PHC3: variants seen among roughly 807,000 people sequenced by gnomAD.
PHC3 encodes polyhomeotic homolog 3.
In PHC3, 13 loss-of-function variants were observed where a neutral mutation model predicts 107.4. The ratio of observed to expected loss-of-function variants is 0.12; its 90% CI spans 0.08 to 0.19. The LOEUF is 0.19. Ranked by LOEUF, PHC3 falls within the 10% of genes least tolerant of loss-of-function variation. The pLI is 1.00. For synonymous variants in PHC3, 456 were observed against 427.4 expected, an observed-to-expected ratio of 1.07 and a Z score of -0.83; for missense variants, 992 against 1,210.9, an observed-to-expected ratio of 0.82 and a Z score of 2.68.
intron 8 of PHC3, chr3:170,126,000 T>C: frequency 5.1e-6 from 5 of 977,322 alleles, no homozygotes; most frequent in Non-Finnish European, 6.1e-6. Context: ...TTCCCTTTCC[T>C]AAATAAACTG....
At chr3:170,114,831 T>G (rs1199181729) in intron 10 of PHC3, among the ~76,000 whole-genome samples, 1 of 152,236 alleles carries the variant, frequency 6.6e-6, no homozygotes, top group African/African-American at 2.4e-5. Context: ...AACAGCTTAT[T>G]GGACAGAAAC....
intron 6 of PHC3, among the ~76,000 whole-genome samples, chr3:170,138,122 G>A (rs1034577738): frequency 2.6e-5 from 4 of 152,162 alleles, no homozygotes; most frequent in Admixed American, 6.5e-5. Context: ...GAGCCTGGGA[G>A]GCGGAGGCTG....
At chr3:170,157,087 T>C (rs1423422343) in intron 4 of PHC3, among the ~76,000 whole-genome samples, 2 of 152,160 alleles carry the variant, frequency 1.3e-5, no homozygotes, top group Non-Finnish European at 2.9e-5. Flanking sequence ...AATTATCATA[T>C]TGGAAATAAT....
At chr3:170,143,805 A>T (rs905141550) in intron 6 of PHC3, among the ~76,000 whole-genome samples, 17 of 152,100 alleles carry the variant, frequency 1.1e-4, no homozygotes, top group Admixed American at 1.1e-3. Context: ...ACATCACCTT[A>T]ATCATGGAAG....
At chr3:170,136,337 C>G (rs1172771968) in intron 7 of PHC3, 82 bp downstream of exon 7, 2 of 1,535,862 alleles carry the variant, frequency 1.3e-6, no homozygotes, top group Admixed American at 3.7e-5. Context: ...CACTCCTGTT[C>G]AAGTCATGAA....
Position 170,097,397 on chromosome 3 carries a change from C to G in PHC3, c.2834-13G>C, listed in dbSNP as rs1336082356. 1.5e-5 allele frequency: 24 copies of G among 1,609,490 alleles called. No individual in the cohort carries two copies. Among genetic ancestry groups the G allele is most frequent in the Non-Finnish European group, 1.7e-5 (20 of 1,177,038 alleles). On this transcript the variant is annotated splice_polypyrimidine_tract_variant and intron_variant, in intron 14 of 14. Coordinates refer to ENST00000495893, the MANE Select transcript of PHC3 (RefSeq NM_024947.4). The surrounding 1 kb of genome is among the most constrained non-coding windows in gnomAD (Gnocchi z 4.1). ...ATATCCTGGCAGCCTGGAATTTGAC[C>G]AGAGGACAGAAGTTAGAATTAAATA...
intron 14 of PHC3, among the ~76,000 whole-genome samples, chr3:170,101,758 T>G (rs1319093643): frequency 6.6e-6 from 1 of 151,942 alleles, no homozygotes; most frequent in Admixed American, 6.6e-5. Context: ...TTGGAGAAGG[T>G]GGATATAAAA....
chr3:170,151,757 G>A (rs1726023793), intron 4 of PHC3, among the ~76,000 whole-genome samples: 1 of 152,122 alleles, frequency 6.6e-6, no homozygotes, highest in East Asian at 1.9e-4. Context: ...CAGGGAAGGA[G>A]GTACCTATGA....
chr3:170,111,317 G>GGAACGAAC (rs1252000410), intron 11 of PHC3, among the ~76,000 whole-genome samples: 60 of 107,512 alleles, frequency 5.6e-4, no homozygotes, highest in African/African-American at 1.4e-3. Context: ...AAGGAAGGAA[G>GGAACGAAC]GAACGAACGA....
At position 170,117,578 on chromosome 3, in the gene PHC3, G is replaced by C. The variant is rs931383043; in HGVS notation, c.1943-102C>G. The C allele has an allele frequency of 5.0e-6, 6 of 1,210,354 alleles. No homozygotes were observed. In the African/African-American group the frequency reaches 9.2e-5, roughly 19 times the overall value. The allele number at this position is 1,210,354 out of a possible 1,614,324, so 75.0% of individuals were successfully genotyped here. A position where few individuals can be genotyped will look rare whatever the true frequency, so the allele number is the denominator to read the frequency against. ...AAATAATAACAACAGTTAATATCTG[G>C]TACTTTCAAAAACTGTTCTAAGAAC... On this transcript the variant is annotated intron_variant, in intron 9 of 14. Transcript: ENST00000495893.
chr3:170,126,528 A>ATATATATATATATTTT (rs370421296), intron 8 of PHC3, among the ~76,000 whole-genome samples: 2 of 90,632 alleles, frequency 2.2e-5, no homozygotes, highest in African/African-American at 9.0e-5. Context: ...ATATATATAT[A>ATATATATATATATTTT]TTTTTTTTTT....
intron 4 of PHC3, among the ~76,000 whole-genome samples, chr3:170,169,484 A>G (rs1055611569): frequency 1.7e-4 from 26 of 152,372 alleles, no homozygotes; most frequent in Non-Finnish European, 1.2e-4. Flanking sequence ...CTTGAGCAGA[A>G]GCTCACAACG....
intron 4 of PHC3, among the ~76,000 whole-genome samples, chr3:170,160,284 G>A (rs1358142999): frequency 2.0e-5 from 3 of 152,148 alleles, no homozygotes; most frequent in Non-Finnish European, 2.9e-5. Flanking sequence ...AAAGTTTAGC[G>A]TTCCTCAGCT....
At chr3:170,143,810 T>C (rs1048384458) in intron 6 of PHC3, among the ~76,000 whole-genome samples, 2 of 152,124 alleles carry the variant, frequency 1.3e-5, no homozygotes, top group African/African-American at 4.8e-5. Flanking sequence ...ACCTTAATCA[T>C]GGAAGTTCAC....
chr3:170,158,888 C>A (rs1727360107), intron 4 of PHC3, among the ~76,000 whole-genome samples: 1 of 149,924 alleles, frequency 6.7e-6, no homozygotes, highest in Non-Finnish European at 1.5e-5. Context: ...ATTAGCACCA[C>A]TGCACTCCAG....
At chr3:170,173,190 T>C (rs1216285142) in intron 2 of PHC3, among the ~76,000 whole-genome samples, 2 of 147,300 alleles carry the variant, frequency 1.4e-5, no homozygotes, top group Non-Finnish European at 3.0e-5. Flanking sequence ...AAGACTCCCA[T>C]CTCAAAAAAA....
intron 10 of PHC3, among the ~76,000 whole-genome samples, chr3:170,114,160 C>A (rs1385038542): frequency 6.6e-6 from 1 of 152,126 alleles, no homozygotes; most frequent in African/African-American, 2.4e-5. Context: ...CGGGCATGTG[C>A]CACCGCGCCT....
At chr3:170,113,099 A>AT (rs1157139281) in intron 11 of PHC3, among the ~76,000 whole-genome samples, 2 of 152,220 alleles carry the variant, frequency 1.3e-5, no homozygotes, top group African/African-American at 4.8e-5. Flanking sequence ...CTTCTCTCAC[A>AT]TATGATGGAA....
At chr3:170,165,592 A>T (rs947720670) in intron 4 of PHC3, among the ~76,000 whole-genome samples, 1 of 151,896 alleles carries the variant, frequency 6.6e-6, no homozygotes, top group East Asian at 1.9e-4. Context: ...CGTCTCTACT[A>T]AAAATACAAA....
Sources: allele counts gnomAD v4.1 joint callset (sites outside exome capture counted in the v4.1 genomes callset), GRCh38; gene constraint gnomAD v4.1.1; non-coding constraint Gnocchi (gnomAD v3.1); transcripts MANE v1.5; gene names NCBI Gene and HGNC (gene_info 2026-07-23, HGNC 2026-07-21).